Variants in AKAP12 observed in about 807,000 individuals in gnomAD.
AKAP12 encodes A-kinase anchoring protein 12.
AKAP12 carries 32 observed loss-of-function variants against 79.9 expected under a neutral mutation model. That is an observed-to-expected ratio of 0.40 (90% CI 0.30 to 0.54). AKAP12 has a LOEUF of 0.54. Among genes scored for constraint, AKAP12 ranks in the 20% least tolerant of loss-of-function variants. The pLI is 0.48. For missense variants in AKAP12, 2,074 were observed against 2,177.0 expected (o/e 0.95, Z 0.94); for synonymous variants, 808 against 857.0 (o/e 0.94, Z 1.00).
chr6:151,331,700 A>G (rs1050226053), intron 3 of AKAP12, among the ~76,000 whole-genome samples: 7 of 152,052 alleles, frequency 4.6e-5, no homozygotes, highest in Non-Finnish European at 8.8e-5. Flanking sequence ...CCTGGCTAAC[A>G]TGGTGAAACC....
chr6:151,305,671 C>G (rs1033112871), intron 2 of AKAP12, 76 bp from the exon 3 acceptor site: 19 of 1,387,114 alleles, frequency 1.4e-5, no homozygotes, highest in Admixed American at 6.6e-5. Flanking sequence ...GGTTTGTATT[C>G]TGGAAGTTAA....
chr6:151,319,482 T>TATC (rs1168597222), intron 3 of AKAP12, among the ~76,000 whole-genome samples: 2 of 139,224 alleles, frequency 1.4e-5, no homozygotes, highest in South Asian at 4.2e-4. Flanking sequence ...TCTATCTATC[T>TATC]ATCTACTATC....
At chr6:151,353,776 T>C (rs367837243) in intron 4 of AKAP12, 24 bp downstream of exon 4, 9 of 1,472,496 alleles carry the variant, frequency 6.1e-6, no homozygotes, top group Non-Finnish European at 8.1e-6. Flanking sequence ...TCTTCTAAGA[T>C]AATTTTTCTC....
intron 2 of AKAP12, among the ~76,000 whole-genome samples, chr6:151,263,945 G>T (rs1382033295): frequency 6.6e-6 from 1 of 152,138 alleles, no homozygotes; most frequent in East Asian, 1.9e-4. Context: ...CCAAACCTCT[G>T]CATCTCTCCA....
chr6:151,254,687 C>T (rs992407442), intron 2 of AKAP12, among the ~76,000 whole-genome samples: 83 of 152,106 alleles, frequency 5.5e-4, no homozygotes, highest in African/African-American at 1.7e-3. Context: ...CTCATTTAGC[C>T]TTGATTAAGA....
In AKAP12 at chr6:151,351,553, C is replaced by T. The variant is rs565233739; in HGVS notation, c.3162C>T (p.Ser1054=). 1.9e-5 allele frequency: 30 copies of T among 1,613,960 alleles called. No individual in the cohort carries two copies. The South Asian group carries it at 3.1e-4, about 17-fold the overall frequency. The change falls in exon 4 of 5, where the codon TCC becomes TCT. Residue 1054 remains serine (S), a synonymous_variant. Coordinates refer to ENST00000402676, the MANE Select transcript of AKAP12 (RefSeq NM_005100.4). This position sits in a 1 kb window ranked among gnomAD's most constrained non-coding sequence, Gnocchi z 4.4. The part of the protein sequence containing the change: ...QAVAEKVKEE[S]QLPGTGGPED... Reference sequence around the variant, plus strand: ...TGGCAGAAAAAGTGAAAGAGGAATCCCAGCTGCCTGGCACCGGTGGGCCAG... The same window carrying T: ...TGGCAGAAAAAGTGAAAGAGGAATCTCAGCTGCCTGGCACCGGTGGGCCAG...
At chr6:151,317,133 A>G (rs985389636) in intron 3 of AKAP12, among the ~76,000 whole-genome samples, 5 of 145,082 alleles carry the variant, frequency 3.4e-5, no homozygotes, top group Admixed American at 1.3e-4. Flanking sequence ...CACATTTGGG[A>G]ACAGAGAAAT....
At chr6:151,287,117 T>G (rs1022938041) in intron 2 of AKAP12, among the ~76,000 whole-genome samples, 6 of 152,048 alleles carry the variant, frequency 3.9e-5, no homozygotes, top group Admixed American at 2.6e-4. Flanking sequence ...TTTTTTATAT[T>G]TTTAGTAGAG....
At chr6:151,342,903 C>T (rs1448387197) in intron 3 of AKAP12, among the ~76,000 whole-genome samples, 1 of 152,120 alleles carries the variant, frequency 6.6e-6, no homozygotes, top group Non-Finnish European at 1.5e-5. Flanking sequence ...GCTGAGACTA[C>T]AGGCATGCGC....
chr6:151,272,366 AAAC>A (rs1776203022), intron 2 of AKAP12, among the ~76,000 whole-genome samples: 1 of 151,656 alleles, frequency 6.6e-6, no homozygotes, highest in Non-Finnish European at 1.5e-5. Context: ...AAAACAAAAA[AAAC>A]AGTGGGGTCC....
At chr6:151,254,667 A>T (rs1797256114) in intron 2 of AKAP12, among the ~76,000 whole-genome samples, 1 of 152,162 alleles carries the variant, frequency 6.6e-6, no homozygotes, top group Admixed American at 6.6e-5. Context: ...TTTGTTGATA[A>T]TACAGAAAGC....
rs745892538 is a variant in AKAP12, at chr6:151,351,556, G to C, written c.3165G>C (p.Gln1055His). 5.0e-6 allele frequency: 8 copies of C among 1,614,150 alleles called. No individual in the cohort carries two copies. The highest frequency in any genetic ancestry group is 6.8e-6 in the Non-Finnish European group (8 of 1,180,048). ...AVAEKVKEES[Q>H]LPGTGGPEDV... ...CAGAAAAAGTGAAAGAGGAATCCCA[G>C]CTGCCTGGCACCGGTGGGCCAGAAG... Residue 1055 changes from glutamine (Q) to histidine (H), a missense_variant, in exon 4 of 5, where the codon CAG becomes CAC. Gln to His is a conservative substitution (Grantham distance 24). Around this residue, in one of 3 missense-constraint regions of AKAP12, gnomAD observed 1,428 missense variants for 1,451.0 expected, o/e 0.98. Transcript: ENST00000402676. The surrounding 1 kb of genome is among the most constrained non-coding windows in gnomAD (Gnocchi z 4.4).
chr6:151,243,858 T>G (rs181797944), intron 2 of AKAP12, among the ~76,000 whole-genome samples: 2 of 152,088 alleles, frequency 1.3e-5, no homozygotes, highest in East Asian at 1.9e-4. Flanking sequence ...TTTTAAAAAT[T>G]TGTCTTAAAA....
At position 151,357,168 on chromosome 6, in the gene AKAP12, G is replaced by A. The variant is rs1480745453; in HGVS notation, c.*1454G>A. The A allele has an allele frequency of 7.7e-6, 1 of 130,242 alleles. No individual in the cohort carries two copies. The highest frequency in any genetic ancestry group is 1.7e-5 in the Non-Finnish European group (1 of 59,842). The allele number at this position is 130,242 out of a possible 1,614,324, so 8.1% of individuals were successfully genotyped here. A position where few individuals can be genotyped will look rare whatever the true frequency, so the allele number is the denominator to read the frequency against. ...AAATGATGAGTCATGCTAATACATTGAGGGTTTGTTTTTTTGTTTGTTTGT... is the reference window on the plus strand; with the variant it reads ...AAATGATGAGTCATGCTAATACATTAAGGGTTTGTTTTTTTGTTTGTTTGT... On this transcript the variant is annotated 3_prime_UTR_variant, in exon 5 of 5. Transcript: ENST00000402676.
chr6:151,355,891 T>C lies in AKAP12; in HGVS notation c.*177T>C, dbSNP rs1010187369. 6.6e-6 allele frequency: 1 copy of C among 152,560 alleles called. No individual in the cohort carries two copies. The highest frequency in any genetic ancestry group is 2.4e-5 in the African/African-American group (1 of 41,436). The allele number at this position is 152,560 out of a possible 1,614,324, so 9.5% of individuals were successfully genotyped here. A position where few individuals can be genotyped will look rare whatever the true frequency, so the allele number is the denominator to read the frequency against. ...GAGAGCCCCTGACAATCCTGAGGCT[T>C]CATCAGGAGCTAGAGCCATTTAACA... On this transcript the variant is annotated 3_prime_UTR_variant, in exon 5 of 5. Transcript: ENST00000402676.
chr6:151,267,862 G>A (rs1776080774), intron 2 of AKAP12, among the ~76,000 whole-genome samples: 2 of 152,154 alleles, frequency 1.3e-5, no homozygotes, highest in Admixed American at 6.5e-5. Flanking sequence ...TTTCTTCACC[G>A]GATTTTTCCA....
chr6:151,317,720 A>G (rs1235201627), intron 3 of AKAP12, among the ~76,000 whole-genome samples: 1 of 152,230 alleles, frequency 6.6e-6, no homozygotes, highest in Non-Finnish European at 1.5e-5. Flanking sequence ...GGATGTTGCA[A>G]AATGAGCTGA....
intron 2 of AKAP12, among the ~76,000 whole-genome samples, chr6:151,282,430 C>A (rs1036395233): frequency 6.6e-6 from 1 of 152,096 alleles, no homozygotes; most frequent in African/African-American, 2.4e-5. Context: ...TCTTAAGGGA[C>A]CTCCAGCTCA....
rs1223025389 is a variant in AKAP12, at chr6:151,356,874, G to A, written c.*1160G>A. ...TGATAAGCTAGAACTTTCTGATGTA[G>A]TCATTACATGAAACCCCTTGTCACT... On this transcript the variant is annotated 3_prime_UTR_variant, in exon 5 of 5. Coordinates refer to ENST00000402676, the MANE Select transcript of AKAP12 (RefSeq NM_005100.4). 2 of 152,204 alleles carry A rather than the reference G, an allele frequency of 1.3e-5. No homozygotes were observed. The highest frequency in any genetic ancestry group is 2.9e-5 in the Non-Finnish European group (2 of 68,032). 9.4% of individuals were successfully genotyped at this position (152,204 alleles called of 1,614,324 possible).
Sources: gnomAD v4.1 joint callset for allele counts (sites outside exome capture counted in the v4.1 genomes callset) on GRCh38, gnomAD v4.1.1 for gene constraint, gnomAD v4.1.1 regional missense constraint, Gnocchi (gnomAD v3.1) non-coding constraint, MANE v1.5 for transcripts, NCBI Gene and HGNC (gene_info 2026-07-23, HGNC 2026-07-21) for gene names.